FRMD4B: variants seen among roughly 807,000 people sequenced by gnomAD.
FRMD4B encodes FERM domain-containing protein 4B.
FRMD4B carries 74 observed loss-of-function variants against 141.5 expected under a neutral mutation model. That is an observed-to-expected ratio of 0.52 (90% confidence interval 0.43 to 0.63). The LOEUF is 0.63. Ranked by LOEUF, FRMD4B falls within the 30% of genes least tolerant of loss-of-function variation. The pLI, the probability that FRMD4B is intolerant of heterozygous loss-of-function variation, is 0.00. For missense variants in FRMD4B, 1,366 were observed against 1,253.4 expected (o/e 1.09, Z -1.36); for synonymous variants, 506 against 467.9 (o/e 1.08, Z -1.05).
At chr3:69,460,077 G>A (rs779754138) in intron 1 of FRMD4B, among the ~76,000 whole-genome samples, 7 of 152,094 alleles carry the variant, frequency 4.6e-5, no homozygotes, top group African/African-American at 1.7e-4. Context: ...CAGCACGCAC[G>A]ACCCCTCTCA....
At chr3:69,225,519 CA>C (rs35855787) in intron 7 of FRMD4B, among the ~76,000 whole-genome samples, 1,025 of 50,566 alleles carry the variant, frequency 0.02, 22 homozygotes, top group African/African-American at 0.084. Flanking sequence ...ACTAAAAATA[CA>C]AAAAAAAAAA....
At chr3:69,311,503 G>T in intron 2 of FRMD4B, 146 bp from the exon 3 acceptor site, 1 of 581,078 alleles carries the variant, frequency 1.7e-6, no homozygotes, top group South Asian at 2.3e-5. Flanking sequence ...TTAGGTTGAT[G>T]TACTATAGAC....
intron 1 of FRMD4B, among the ~76,000 whole-genome samples, chr3:69,476,300 A>T (rs1047212754): frequency 2.0e-5 from 3 of 151,910 alleles, no homozygotes; most frequent in Non-Finnish European, 4.4e-5. Context: ...CTTAATGGTA[A>T]TGCCTAGGTT....
rs556575600 is a variant in FRMD4B, at chr3:69,263,541, G to C, written c.502-13442C>G. 2.1e-4 allele frequency among the ~76,000 whole-genome samples: 32 copies of C among 151,226 alleles called. No homozygotes were observed. The South Asian group carries it at 5.9e-3, about 28-fold the overall frequency. On this transcript the variant is annotated intron_variant, in intron 5 of 22. Transcript: ENST00000398540. ...CCCACCTCAGTCTTCCAAATAGCTG[G>C]GACTAAAGGTGTGTGCCACCATGCC...
chr3:69,235,150 AAATAATAATAATAAT>A (rs55995422), intron 7 of FRMD4B, among the ~76,000 whole-genome samples: 2,488 of 134,086 alleles, frequency 0.019, 74 homozygotes, highest in East Asian at 0.087. Flanking sequence ...ACCCTGTCTC[AAATAATAATAATAAT>A]AATAATAATA....
intron 1 of FRMD4B, among the ~76,000 whole-genome samples, chr3:69,368,446 G>T (rs57343519): frequency 6.6e-6 from 1 of 152,230 alleles, no homozygotes; most frequent in South Asian, 2.1e-4. Flanking sequence ...GCTGAGGAAG[G>T]CACTGTGGTT....
chr3:69,353,129 G>C (rs1054683321), intron 1 of FRMD4B, among the ~76,000 whole-genome samples: 8 of 151,958 alleles, frequency 5.3e-5, no homozygotes, highest in African/African-American at 1.5e-4. Flanking sequence ...AGAGTGGTGG[G>C]AGCAGGGGAA....
chr3:69,372,462 C>T (rs9812836), intron 1 of FRMD4B, among the ~76,000 whole-genome samples: 8 of 152,198 alleles, frequency 5.3e-5, no homozygotes, highest in South Asian at 2.1e-4. Flanking sequence ...GTTAGGAGAT[C>T]GAGACCAGCC....
chr3:69,176,031 C>T (rs1006242925), intron 22 of FRMD4B, among the ~76,000 whole-genome samples: 36 of 152,168 alleles, frequency 2.4e-4, no homozygotes, highest in African/African-American at 8.2e-4. Context: ...CCGCCCGCCT[C>T]GGCCTCCCAA....
chr3:69,530,125 C>A (rs745662868), intron 1 of FRMD4B, among the ~76,000 whole-genome samples: 1 of 152,222 alleles, frequency 6.6e-6, no homozygotes, highest in East Asian at 1.9e-4. Flanking sequence ...CCATTCTTGC[C>A]CTACAAAGAC....
intron 1 of FRMD4B, among the ~76,000 whole-genome samples, chr3:69,324,576 T>A (rs990992188): frequency 2.0e-5 from 3 of 152,212 alleles, no homozygotes; most frequent in African/African-American, 7.2e-5. Context: ...TCCTCCCCCA[T>A]ATGTCTCCAG....
intron 5 of FRMD4B, among the ~76,000 whole-genome samples, chr3:69,261,912 C>T (rs1177651025): frequency 6.6e-6 from 1 of 150,676 alleles, no homozygotes; most frequent in East Asian, 2.0e-4. Context: ...ACCTTGTGAT[C>T]AGCCCTCCTT....
chr3:69,176,588 G>C lies in FRMD4B; in HGVS notation c.2920C>G (p.Pro974Ala), dbSNP rs2092648796. The C allele has an allele frequency of 6.2e-7, 1 of 1,608,646 alleles. No homozygotes were observed. Among genetic ancestry groups the C allele is most frequent in the Non-Finnish European group, 8.5e-7 (1 of 1,175,118 alleles). The change falls in exon 22 of 23, where the codon CCA (proline) becomes GCA (alanine). Residue 974 changes from proline to alanine, a missense_variant. Coordinates refer to ENST00000398540, the MANE Select transcript of FRMD4B (RefSeq NM_015123.3). ...LTIGLSDYET[P>A]AHSSYTSCYG... is the part of the protein sequence containing the mutation. ...CAGCTGGTGTAAGAAGAATGTGCTG[G>C]AGTCTCGTAATCCGACAGCCCTATG...
intron 8 of FRMD4B, 29 bp downstream of exon 8, chr3:69,224,578 G>T (rs1195908271): frequency 4.7e-6 from 5 of 1,056,730 alleles, no homozygotes; most frequent in Non-Finnish European, 7.3e-6. Flanking sequence ...CTATGAAAAT[G>T]AGACACCTGT....
intron 1 of FRMD4B, among the ~76,000 whole-genome samples, chr3:69,434,255 G>T (rs1396291431): frequency 6.6e-6 from 1 of 152,190 alleles, no homozygotes; most frequent in Non-Finnish European, 1.5e-5. Flanking sequence ...GATATCTTCT[G>T]GTTGCCTTCA....
chr3:69,532,371 A>C (rs1345392520), intron 1 of FRMD4B, among the ~76,000 whole-genome samples: 1 of 152,208 alleles, frequency 6.6e-6, no homozygotes, highest in Non-Finnish European at 1.5e-5. Flanking sequence ...GAAGCCTTTT[A>C]AGTGCATCTA....
chr3:69,208,874 G>T (rs927503600), intron 11 of FRMD4B, among the ~76,000 whole-genome samples: 1 of 151,950 alleles, frequency 6.6e-6, no homozygotes, highest in African/African-American at 2.4e-5. Flanking sequence ...TGCCAGGCGC[G>T]GTGGCTCACA....
intron 1 of FRMD4B, among the ~76,000 whole-genome samples, chr3:69,439,492 G>T (rs573540339): frequency 1.3e-5 from 2 of 152,148 alleles, no homozygotes; most frequent in Non-Finnish European, 2.9e-5. Context: ...AGAATCTTTC[G>T]TGAGATGGGG....
chr3:69,335,436 G>A (rs566653455), intron 1 of FRMD4B, among the ~76,000 whole-genome samples: 9 of 144,110 alleles, frequency 6.2e-5, no homozygotes, highest in Non-Finnish European at 1.3e-4. Flanking sequence ...GCAGTGGCAC[G>A]ATCTTGGCTC....
Sources: allele counts gnomAD v4.1 joint callset (sites outside exome capture counted in the v4.1 genomes callset), GRCh38; gene constraint gnomAD v4.1.1; transcripts MANE v1.5; gene names NCBI Gene and HGNC (gene_info 2026-07-23, HGNC 2026-07-21).